GNAZ: variants seen among roughly 807,000 people sequenced by gnomAD.
GNAZ encodes guanine nucleotide-binding protein G(z) subunit alpha.
GNAZ carries 3 observed loss-of-function variants against 25.4 expected under a neutral mutation model. The observed-to-expected ratio is 0.12, with a 90% CI of 0.05 to 0.30. The LOEUF (loss-of-function observed/expected upper bound fraction) is 0.30. Ranked by LOEUF, GNAZ falls within the 10% of genes least tolerant of loss-of-function variation. GNAZ has a pLI of 1.00. For missense variants in GNAZ, 241 were observed against 501.8 expected (o/e 0.48, Z 4.97); for synonymous variants, 211 against 205.7 (o/e 1.03, Z -0.22).
chr22:23,077,529 G>A (rs1403549796), intron 1 of GNAZ, among the ~76,000 whole-genome samples: 1 of 152,136 alleles, frequency 6.6e-6, no homozygotes, highest in African/African-American at 2.4e-5. Context: ...CTTGGAATTG[G>A]GAGGCTGGAT....
At chr22:23,094,898 A>T (rs1474814438) in intron 1 of GNAZ, among the ~76,000 whole-genome samples, 3 of 152,260 alleles carry the variant, frequency 2.0e-5, no homozygotes, top group South Asian at 2.1e-4. Context: ...GCTGTCTGGG[A>T]GAAGGGCCCC....
chr22:23,093,113 C>G (rs1046036274), intron 1 of GNAZ, among the ~76,000 whole-genome samples: 8 of 152,330 alleles, frequency 5.3e-5, no homozygotes, highest in African/African-American at 1.4e-4. Flanking sequence ...TTACACATAT[C>G]ATGTACATGT....
chr22:23,071,401 C>T lies in GNAZ; in HGVS notation c.-450+831C>T, dbSNP rs1569157552. Among the ~76,000 whole-genome samples the T allele has an allele frequency of 6.6e-6, 1 of 152,154 alleles. No homozygotes were observed. ...ATGATGCCAAGCGAGACCAGCGTTC[C>T]GCGTAGTCCGTGTTGGGGTGGAGGG... On this transcript the variant is annotated intron_variant, in intron 1 of 2. Transcript: ENST00000615612. This position sits in a 1 kb window ranked among gnomAD's most constrained non-coding sequence, Gnocchi z 4.1.
intron 1 of GNAZ, among the ~76,000 whole-genome samples, chr22:23,077,038 T>A (rs1379923947): frequency 6.6e-6 from 1 of 152,216 alleles, no homozygotes; most frequent in Non-Finnish European, 1.5e-5. Context: ...CATGCTGTGC[T>A]GAAGAGGATT....
intron 2 of GNAZ, among the ~76,000 whole-genome samples, chr22:23,117,597 G>C (rs2069886841): frequency 6.6e-6 from 1 of 152,260 alleles, no homozygotes; most frequent in Non-Finnish European, 1.5e-5. Context: ...GCGAATCACA[G>C]TGGGTGTGGC....
At chr22:23,081,898 G>A (rs561016295) in intron 1 of GNAZ, among the ~76,000 whole-genome samples, 29 of 151,656 alleles carry the variant, frequency 1.9e-4, no homozygotes, top group Admixed American at 1.9e-3. Flanking sequence ...GGCCGAGGCG[G>A]GCGGATCACG....
intron 2 of GNAZ, among the ~76,000 whole-genome samples, chr22:23,121,127 C>T (rs1405403225): frequency 1.3e-5 from 2 of 152,222 alleles, no homozygotes; most frequent in African/African-American, 4.8e-5. Context: ...CTCCTCTCTG[C>T]TCTGCTGGGG....
intron 1 of GNAZ, among the ~76,000 whole-genome samples, chr22:23,081,651 G>A (rs1185511067): frequency 1.3e-5 from 2 of 151,944 alleles, no homozygotes; most frequent in East Asian, 3.9e-4. Flanking sequence ...GCAAAACCCT[G>A]TCTCTACTAA....
At position 23,079,285 on chromosome 22, in the gene GNAZ, C is replaced by T. The variant is rs907813279; in HGVS notation, c.-450+8715C>T. ...ATCGTAAATAGGATGGGCAGGGAGGCCTCCTAAGGAAGGGACATCTGAGCC... is the reference window on the plus strand; with the variant it reads ...ATCGTAAATAGGATGGGCAGGGAGGTCTCCTAAGGAAGGGACATCTGAGCC... On this transcript the variant is annotated intron_variant, in intron 1 of 2. Coordinates refer to ENST00000615612, the MANE Select transcript of GNAZ (RefSeq NM_002073.4). Among the ~76,000 whole-genome samples the T allele has an allele frequency of 3.3e-5, 5 of 152,318 alleles. No individual in the cohort carries two copies. The South Asian group carries it at 1.0e-3, about 32-fold the overall frequency.
chr22:23,110,561 C>T (rs1165091186), intron 2 of GNAZ, among the ~76,000 whole-genome samples: 1 of 152,216 alleles, frequency 6.6e-6, no homozygotes. Flanking sequence ...CTACCAGAGA[C>T]CCTCTCCCAC....
At chr22:23,082,684 G>A (rs2068716671) in intron 1 of GNAZ, among the ~76,000 whole-genome samples, 1 of 152,056 alleles carries the variant, frequency 6.6e-6, no homozygotes, top group Non-Finnish European at 1.5e-5. Flanking sequence ...AGGCCAGCCT[G>A]GAAGCCCCTC....
intron 2 of GNAZ, among the ~76,000 whole-genome samples, chr22:23,097,736 T>A (rs2069168844): frequency 6.6e-6 from 1 of 152,228 alleles, no homozygotes; most frequent in South Asian, 2.1e-4. Flanking sequence ...GAGGTCAGGC[T>A]CCCTTGATGA....
At chr22:23,089,466 C>T (rs1407750942) in intron 1 of GNAZ, among the ~76,000 whole-genome samples, 3 of 152,154 alleles carry the variant, frequency 2.0e-5, no homozygotes, top group East Asian at 3.9e-4. Context: ...TAGCAGCAGG[C>T]TGAGCCTCCA....
rs944337808 is a variant in GNAZ at position 23,123,493 on chromosome 22, G to A, written c.*62G>A. 39 of 1,093,712 alleles carry A rather than the reference G, an allele frequency of 3.6e-5. No individual in the cohort carries two copies. Among genetic ancestry groups the A allele is most frequent in the South Asian group, 7.1e-5 (5 of 70,008 alleles). The allele number at this position is 1,093,712 out of a possible 1,614,324, so 67.8% of individuals were successfully genotyped here. The stretch of plus-strand genomic sequence containing the variant: ...CCCACGGGGTGTCATGCCCCAACGC[G>A]TGCTAGAGAGGCCCAATCCAGGGGC... On this transcript the variant is annotated 3_prime_UTR_variant, in exon 3 of 3. Coordinates refer to ENST00000615612, the MANE Select transcript of GNAZ (RefSeq NM_002073.4).
Position 23,097,603 on chromosome 22 carries a change from C to T in GNAZ, c.723+1185C>T, listed in dbSNP as rs1484436420. 2.6e-5 allele frequency among the ~76,000 whole-genome samples: 4 copies of T among 152,378 alleles called. No individual in the cohort carries two copies. In the South Asian group the frequency reaches 6.2e-4, roughly 24 times the overall value. ...AGGCAGGTGTGTACGCAGGCGGCTG[C>T]GTCCACCCTGTTCCCAGTGTGTATC... is the stretch of plus-strand genomic sequence containing the variant. On this transcript the variant is annotated intron_variant, in intron 2 of 2. Coordinates refer to ENST00000615612, the MANE Select transcript of GNAZ (RefSeq NM_002073.4).
chr22:23,116,462 G>C (rs563355295), intron 2 of GNAZ, among the ~76,000 whole-genome samples: 1 of 152,186 alleles, frequency 6.6e-6, no homozygotes, highest in African/African-American at 2.4e-5. Context: ...CCTCCCACCC[G>C]GCCCAGTCCC....
intron 2 of GNAZ, among the ~76,000 whole-genome samples, chr22:23,110,877 G>A (rs559351767): frequency 1.3e-5 from 2 of 152,286 alleles, no homozygotes; most frequent in African/African-American, 2.4e-5. Flanking sequence ...GCGAGCACAC[G>A]GGGCAACTCA....
chr22:23,109,176 G>C (rs1569180738), intron 2 of GNAZ, among the ~76,000 whole-genome samples: 1 of 152,204 alleles, frequency 6.6e-6, no homozygotes, highest in Non-Finnish European at 1.5e-5. Flanking sequence ...AATAACTGCT[G>C]TCTCACAGCT....
intron 2 of GNAZ, among the ~76,000 whole-genome samples, chr22:23,098,848 C>T (rs2069204172): frequency 1.3e-5 from 2 of 152,386 alleles, no homozygotes; most frequent in Non-Finnish European, 2.9e-5. Context: ...GTGAGGACAG[C>T]CCGTCTCCAG....
Sources: gnomAD v4.1 joint callset for allele counts (sites outside exome capture counted in the v4.1 genomes callset) on GRCh38, gnomAD v4.1.1 for gene constraint, Gnocchi (gnomAD v3.1) non-coding constraint, MANE v1.5 for transcripts, NCBI Gene and HGNC (gene_info 2026-07-23, HGNC 2026-07-21) for gene names.